Variants in ADAMTS19 observed in about 807,000 individuals in gnomAD.
ADAMTS19 encodes A disintegrin and metalloproteinase with thrombospondin motifs 19.
A neutral mutation model predicts 153.3 loss-of-function variants in ADAMTS19; 93 were observed. That is an observed-to-expected ratio of 0.61 (90% CI 0.51 to 0.72). The LOEUF is 0.72. Ranked by LOEUF, ADAMTS19 falls within the 30% of genes least tolerant of loss-of-function variation. The pLI, the probability that ADAMTS19 is intolerant of heterozygous loss-of-function variation, is 0.00. For missense variants in ADAMTS19, 1,482 were observed against 1,552.1 expected (o/e 0.95, Z 0.76); for synonymous variants, 600 against 556.6 (o/e 1.08, Z -1.10).
chr5:129,466,272 G>A (rs867675055), intron 2 of ADAMTS19, among the ~76,000 whole-genome samples: 17 of 152,060 alleles, frequency 1.1e-4, no homozygotes, highest in African/African-American at 3.4e-4. Flanking sequence ...ACAACAGATA[G>A]GTGAGCAGGG....
chr5:129,498,946 G>T (rs73787527), intron 2 of ADAMTS19, among the ~76,000 whole-genome samples: 3 of 151,800 alleles, frequency 2.0e-5, no homozygotes, highest in East Asian at 1.9e-4. Context: ...GAAGACAGGG[G>T]TCATTCTGTT....
At chr5:129,648,722 A>G in intron 12 of ADAMTS19, 76 bp from the exon 13 acceptor site, 4 of 1,205,552 alleles carry the variant, frequency 3.3e-6, no homozygotes, top group Non-Finnish European at 4.7e-6. Flanking sequence ...TATTATTAAT[A>G]TAATGGCTTT....
intron 8 of ADAMTS19, among the ~76,000 whole-genome samples, chr5:129,602,672 G>C (rs912012908): frequency 6.6e-6 from 1 of 151,738 alleles, no homozygotes. Flanking sequence ...CTAATAATTG[G>C]TTTATTCTTG....
intron 19 of ADAMTS19, among the ~76,000 whole-genome samples, chr5:129,700,823 C>A (rs32796): frequency 0.89 from 134,985 of 151,920 alleles, 60,142 homozygotes; most frequent in East Asian, 0.98. Context: ...CTAATAAGAA[C>A]AAGTTCCAAG....
chr5:129,491,352 C>G (rs1750766503), intron 2 of ADAMTS19, among the ~76,000 whole-genome samples: 1 of 152,046 alleles, frequency 6.6e-6, no homozygotes, highest in Admixed American at 6.6e-5. Flanking sequence ...TTCGGAGTAC[C>G]TGTTTTTCTA....
chr5:129,648,013 A>G, intron 12 of ADAMTS19, 118 bp downstream of exon 12: 1 of 1,119,840 alleles, frequency 8.9e-7, no homozygotes, highest in Non-Finnish European at 1.2e-6. Context: ...CACGTTGGAA[A>G]ACAGAAAAGT....
chr5:129,479,600 G>T (rs1750343251), intron 2 of ADAMTS19, among the ~76,000 whole-genome samples: 1 of 152,138 alleles, frequency 6.6e-6, no homozygotes, highest in Non-Finnish European at 1.5e-5. Context: ...AACGTGCGAG[G>T]TTTAGCAAGA....
At chr5:129,538,889 C>T (rs954843963) in intron 6 of ADAMTS19, among the ~76,000 whole-genome samples, 1 of 151,944 alleles carries the variant, frequency 6.6e-6, no homozygotes, top group African/African-American at 2.4e-5. Context: ...TAAGCATATT[C>T]TTATGGTAAA....
intron 6 of ADAMTS19, among the ~76,000 whole-genome samples, chr5:129,548,334 A>C (rs943687880): frequency 1.3e-5 from 2 of 150,436 alleles, no homozygotes; most frequent in Admixed American, 1.3e-4. Flanking sequence ...TACAAAAAAA[A>C]AAACAAACAA....
intron 10 of ADAMTS19, among the ~76,000 whole-genome samples, chr5:129,632,595 C>A (rs1230974179): frequency 6.6e-6 from 1 of 151,884 alleles, no homozygotes; most frequent in Non-Finnish European, 1.5e-5. Context: ...ATGACAAATT[C>A]TCTTAATTTT....
intron 2 of ADAMTS19, among the ~76,000 whole-genome samples, chr5:129,499,509 T>A (rs1339032085): frequency 6.6e-6 from 1 of 152,116 alleles, no homozygotes; most frequent in Non-Finnish European, 1.5e-5. Flanking sequence ...TTAAAATCTC[T>A]ATCTCTATTA....
At chr5:129,699,278 G>A (rs1581238622) in intron 19 of ADAMTS19, among the ~76,000 whole-genome samples, 1 of 152,116 alleles carries the variant, frequency 6.6e-6, no homozygotes, top group South Asian at 2.1e-4. Context: ...ACAAAAATTA[G>A]GGGGACATGG....
At chr5:129,516,572 A>C (rs1751617819) in intron 3 of ADAMTS19, among the ~76,000 whole-genome samples, 1 of 151,754 alleles carries the variant, frequency 6.6e-6, no homozygotes, top group African/African-American at 2.4e-5. Context: ...ACATTTTCCA[A>C]CTTATTGGCA....
chr5:129,530,359 T>A (rs527422202), intron 6 of ADAMTS19, among the ~76,000 whole-genome samples: 2 of 152,174 alleles, frequency 1.3e-5, no homozygotes, highest in South Asian at 4.1e-4. Context: ...ATGGCAAAAA[T>A]TTCTGCAAAT....
chr5:129,615,132 A>G (rs1027936775), intron 8 of ADAMTS19, among the ~76,000 whole-genome samples: 2 of 152,140 alleles, frequency 1.3e-5, no homozygotes, highest in South Asian at 2.1e-4. Context: ...TATAGATTCA[A>G]TGCCATCCCC....
intron 10 of ADAMTS19, among the ~76,000 whole-genome samples, chr5:129,639,607 A>T (rs1325509234): frequency 6.6e-6 from 1 of 152,222 alleles, no homozygotes; most frequent in African/African-American, 2.4e-5. Context: ...GAAGGGCAGA[A>T]TGTAGACCAC....
chr5:129,568,504 A>G (rs1007110831), intron 7 of ADAMTS19, among the ~76,000 whole-genome samples: 3 of 152,138 alleles, frequency 2.0e-5, no homozygotes, highest in Admixed American at 6.6e-5. Flanking sequence ...CTAAAAATAT[A>G]CACAGAAGGA....
intron 2 of ADAMTS19, among the ~76,000 whole-genome samples, chr5:129,471,276 G>A (rs542449391): frequency 2.0e-5 from 3 of 152,208 alleles, no homozygotes; most frequent in East Asian, 3.9e-4. Flanking sequence ...TAAGGTGGGA[G>A]GATCACCTGA....
At chr5:129,526,736 T>C (rs938898943) in intron 4 of ADAMTS19, among the ~76,000 whole-genome samples, 1 of 151,762 alleles carries the variant, frequency 6.6e-6, no homozygotes, top group Non-Finnish European at 1.5e-5. Flanking sequence ...TTTCCTTTTT[T>C]AAAAAAATGT....
Sources: gnomAD v4.1 joint callset for allele counts (sites outside exome capture counted in the v4.1 genomes callset) on GRCh38, gnomAD v4.1.1 for gene constraint, MANE v1.5 for transcripts, NCBI Gene and HGNC (gene_info 2026-07-23, HGNC 2026-07-21) for gene names.